The following PBX4 variants were observed in gnomAD, a reference collection of about 807,000 sequenced individuals.
PBX4 encodes the protein pre-B-cell leukemia transcription factor 4.
A neutral mutation model predicts 35.1 loss-of-function variants in PBX4; 26 were observed. That is an observed-to-expected ratio of 0.74 (90% CI 0.54 to 1.03). The LOEUF (loss-of-function observed/expected upper bound fraction) is 1.03. Ranked by LOEUF, PBX4 falls within the 50% of genes least tolerant of loss-of-function variation. The probability of loss-of-function intolerance (pLI) is 0.00; values close to 1 mark genes in which losing one functional copy is unlikely to be tolerated. For missense variants in PBX4, 448 were observed against 504.3 expected, an observed-to-expected ratio of 0.89 and a Z score of 1.07; for synonymous variants, 199 against 204.2, an observed-to-expected ratio of 0.97 and a Z score of 0.22.
At chr19:19,567,135 C>T (rs970504574) in intron 5 of PBX4, among the ~76,000 whole-genome samples, 4 of 152,180 alleles carry the variant, frequency 2.6e-5, no homozygotes, top group African/African-American at 7.2e-5. Flanking sequence ...TCTCTTGATC[C>T]ACATGGGAGG....
chr19:19,589,377 C>T (rs1213747157), intron 2 of PBX4, among the ~76,000 whole-genome samples: 3 of 150,850 alleles, frequency 2.0e-5, no homozygotes, highest in Non-Finnish European at 3.0e-5. Flanking sequence ...GAGCTTGCAG[C>T]GAGCCGAGAT....
chr19:19,583,354 T>C (rs965503880), intron 2 of PBX4, among the ~76,000 whole-genome samples: 1 of 152,114 alleles, frequency 6.6e-6, no homozygotes, highest in East Asian at 1.9e-4. Context: ...GCTCACCCTG[T>C]AATCCCAGCA....
chr19:19,568,197 T>A (rs2061356077), intron 5 of PBX4, among the ~76,000 whole-genome samples: 1 of 143,942 alleles, frequency 6.9e-6, no homozygotes, highest in Admixed American at 6.9e-5. Flanking sequence ...GAGCTCACAC[T>A]CTACCAGTAT....
chr19:19,615,271 CAGA>C (rs1332660055), intron 1 of PBX4, among the ~76,000 whole-genome samples: 3 of 150,672 alleles, frequency 2.0e-5, no homozygotes, highest in Non-Finnish European at 2.9e-5. Flanking sequence ...TGCTTGGGCC[CAGA>C]AGGTTGAGGC....
In PBX4 at chr19:19,618,633, C is replaced by T. The variant is rs1304877086; in HGVS notation, c.-4G>A. ...CGGGGCGCGGCGGGGCGGCCATGAG[C>T]GGCAGGGCCGGGCGGGCGCTGTGAG... On this transcript the variant is annotated 5_prime_UTR_variant, in exon 1 of 8. Coordinates refer to ENST00000251203, the MANE Select transcript of PBX4 (RefSeq NM_025245.3). 7.3e-6 allele frequency: 9 copies of T among 1,224,590 alleles called. No individual in the cohort carries two copies. Among genetic ancestry groups the T allele is most frequent in the African/African-American group, 1.6e-5 (1 of 63,230 alleles). The allele number at this position is 1,224,590 out of a possible 1,614,324, so 75.9% of individuals were successfully genotyped here. A position where few individuals can be genotyped will look rare whatever the true frequency, so the allele number is the denominator to read the frequency against.
chr19:19,575,414 C>T (rs760479284), intron 2 of PBX4, among the ~76,000 whole-genome samples: 1 of 152,070 alleles, frequency 6.6e-6, no homozygotes, highest in Non-Finnish European at 1.5e-5. Flanking sequence ...AGGTAAAGGC[C>T]GCTCCCAGAA....
chr19:19,575,194 G>A (rs556151914), intron 2 of PBX4, among the ~76,000 whole-genome samples: 4 of 146,398 alleles, frequency 2.7e-5, no homozygotes, highest in African/African-American at 5.1e-5. Flanking sequence ...CCGAGATTGC[G>A]CCACTGCACT....
At chr19:19,573,031 C>T (rs1600403249) in intron 2 of PBX4, among the ~76,000 whole-genome samples, 1 of 151,656 alleles carries the variant, frequency 6.6e-6, no homozygotes, top group Non-Finnish European at 1.5e-5. Flanking sequence ...GTTGGCCAGG[C>T]GCAGTGGCTC....
Position 19,562,832 on chromosome 19 carries a change from G to A in PBX4, c.1032+677C>T, listed in dbSNP as rs2061316269. Among the ~76,000 whole-genome samples, 1 of 152,144 alleles carries A rather than the reference G, an allele frequency of 6.6e-6. No individual in the cohort carries two copies. The highest frequency in any genetic ancestry group is 2.4e-5 in the African/African-American group (1 of 41,436). On this transcript the variant is annotated intron_variant, in intron 7 of 7. Transcript: ENST00000251203. The surrounding 1 kb of genome is among the most constrained non-coding windows in gnomAD (Gnocchi z 4.8). The stretch of plus-strand genomic sequence containing the variant: ...GGGCAAGGTGAGGCCCCTCACGTGT[G>A]TCCCTGGCTGGGGGCTGCATGGTGA...
intron 2 of PBX4, among the ~76,000 whole-genome samples, chr19:19,574,873 C>T (rs963073911): frequency 5.9e-5 from 9 of 151,928 alleles, no homozygotes; most frequent in East Asian, 3.9e-4. Flanking sequence ...TTAGTAGAGA[C>T]GGGGTTTCAC....
chr19:19,578,803 A>G (rs1279558760), intron 2 of PBX4, among the ~76,000 whole-genome samples: 1 of 152,184 alleles, frequency 6.6e-6, no homozygotes, highest in African/African-American at 2.4e-5. Flanking sequence ...GACTATTTGG[A>G]GGTGACGCTT....
chr19:19,596,820 G>A (rs1406841024), intron 2 of PBX4, among the ~76,000 whole-genome samples: 1 of 151,798 alleles, frequency 6.6e-6, no homozygotes, highest in Non-Finnish European at 1.5e-5. Flanking sequence ...TTGGGAGGAT[G>A]GGGTGTGAGG....
intron 2 of PBX4, among the ~76,000 whole-genome samples, chr19:19,571,655 C>T (rs1006731313): frequency 1.6e-4 from 24 of 152,150 alleles, no homozygotes; most frequent in African/African-American, 5.8e-4. Context: ...CCAGATTCTG[C>T]CATGGGCAGC....
At chr19:19,593,235 T>G (rs1034080667) in intron 2 of PBX4, among the ~76,000 whole-genome samples, 1 of 152,202 alleles carries the variant, frequency 6.6e-6, no homozygotes, top group Admixed American at 6.5e-5. Flanking sequence ...TTAAATGCTC[T>G]GTGGAAGTTT....
intron 1 of PBX4, among the ~76,000 whole-genome samples, chr19:19,609,714 G>T (rs2061652549): frequency 6.6e-6 from 1 of 151,996 alleles, no homozygotes; most frequent in Non-Finnish European, 1.5e-5. Context: ...AGCCGGGCGT[G>T]GTGGCGGGTG....
chr19:19,612,904 C>A (rs1359047773), intron 1 of PBX4, among the ~76,000 whole-genome samples: 2 of 151,900 alleles, frequency 1.3e-5, no homozygotes, highest in African/African-American at 4.8e-5. Context: ...CTGCAACCTC[C>A]GTCTCCAGGG....
intron 2 of PBX4, among the ~76,000 whole-genome samples, chr19:19,590,760 C>T (rs1599364510): frequency 6.6e-6 from 1 of 152,190 alleles, no homozygotes; most frequent in South Asian, 2.1e-4. Flanking sequence ...TGAGCCATGG[C>T]GCCTGGACAC....
intron 1 of PBX4, among the ~76,000 whole-genome samples, chr19:19,605,472 G>A (rs551396922): frequency 7.7e-6 from 1 of 130,522 alleles, no homozygotes; most frequent in Non-Finnish European, 1.7e-5. Flanking sequence ...AATACAAAAA[G>A]TAAATTATCT....
At chr19:19,599,575 C>A (rs1328480640) in intron 1 of PBX4, among the ~76,000 whole-genome samples, 1 of 152,158 alleles carries the variant, frequency 6.6e-6, no homozygotes, top group Non-Finnish European at 1.5e-5. Flanking sequence ...TGGTGGCTCA[C>A]GCCTGTAATC....
Sources: allele counts gnomAD v4.1 joint callset (sites outside exome capture counted in the v4.1 genomes callset), GRCh38; gene constraint gnomAD v4.1.1; non-coding constraint Gnocchi (gnomAD v3.1); transcripts MANE v1.5; gene names NCBI Gene and HGNC (gene_info 2026-07-23, HGNC 2026-07-21).